IGF2BP2: variants seen among roughly 807,000 people sequenced by gnomAD.
The protein encoded by IGF2BP2 is insulin like growth factor 2 mRNA binding protein 2.
A neutral mutation model predicts 75.8 loss-of-function variants in IGF2BP2; 17 were observed. The ratio of observed to expected loss-of-function variants is 0.22; its 90% confidence interval spans 0.15 to 0.34. The LOEUF is 0.34. Among genes scored for constraint, IGF2BP2 ranks in the 10% least tolerant of loss-of-function variants. IGF2BP2 has a pLI of 1.00. For missense variants in IGF2BP2, 516 were observed against 772.4 expected, an observed-to-expected ratio of 0.67 and a Z score of 3.93; for synonymous variants, 288 against 295.6, an observed-to-expected ratio of 0.97 and a Z score of 0.26.
rs1375860416 is a variant in IGF2BP2, at chr3:185,675,395, G to A, written c.972C>T (p.Thr324=). 2 of 1,612,444 alleles carry A rather than the reference G, an allele frequency of 1.2e-6. No individual in the cohort carries two copies. Among genetic ancestry groups the A allele is most frequent in the Admixed American group, 1.7e-5 (1 of 59,658 alleles). Reference sequence around the variant, plus strand: ...CCTCAACTGTGCCCTTCACAGTGATGGTTCTTTCCGGGTTGTATATGCTCA... The same window carrying A: ...CCTCAACTGTGCCCTTCACAGTGATAGTTCTTTCCGGGTTGTATATGCTCA... The part of the protein sequence containing the change: ...QDLSIYNPER[T]ITVKGTVEAC... Residue 324 remains threonine, a synonymous_variant, in exon 9 of 16, where the codon ACC becomes ACT. Transcript: ENST00000382199.
At chr3:185,733,625 G>T (rs1447754549) in intron 2 of IGF2BP2, among the ~76,000 whole-genome samples, 1 of 152,058 alleles carries the variant, frequency 6.6e-6, no homozygotes, top group Non-Finnish European at 1.5e-5. Flanking sequence ...GTGTGGTGGC[G>T]CATGCCTGTA....
chr3:185,740,900 C>A (rs946995623), intron 2 of IGF2BP2, among the ~76,000 whole-genome samples: 35 of 152,218 alleles, frequency 2.3e-4, no homozygotes, highest in Non-Finnish European at 2.9e-4. Context: ...TATTTTGAGA[C>A]GGAGTCTCGC....
intron 2 of IGF2BP2, among the ~76,000 whole-genome samples, chr3:185,727,425 G>C (rs1221295828): frequency 2.6e-5 from 4 of 152,180 alleles, no homozygotes; most frequent in East Asian, 3.9e-4. Flanking sequence ...GGCTGGCTTG[G>C]ACTGAGGCTC....
intron 2 of IGF2BP2, among the ~76,000 whole-genome samples, chr3:185,705,854 T>A (rs1258251156): frequency 1.3e-5 from 2 of 152,074 alleles, no homozygotes; most frequent in African/African-American, 4.8e-5. Context: ...TCTAATCAAC[T>A]CTCCAAGGCC....
chr3:185,664,817 TGGGAAC>T (rs1717030256), intron 10 of IGF2BP2, among the ~76,000 whole-genome samples: 1 of 151,114 alleles, frequency 6.6e-6, no homozygotes, highest in South Asian at 2.1e-4. Context: ...TCTTCTGGAG[TGGGAAC>T]TCCAGAAGGA....
rs186201705 is a variant in IGF2BP2 at position 185,675,413 on chromosome 3, T to C, written c.954A>G (p.Ile318Met). 22 of 1,611,746 alleles carry C rather than the reference T, an allele frequency of 1.4e-5. No homozygotes were observed. The African/African-American group carries it at 2.5e-4, about 19-fold the overall frequency. ...ITISSLQDLS[I>M]YNPERTITVK... ...CAGTGATGGTTCTTTCCGGGTTGTA[T>C]ATGCTCAAATCCTGCAAACTGACCC... Residue 318 changes from isoleucine (I) to methionine (M), a missense_variant, in exon 9 of 16, where the codon ATA becomes ATG. Coordinates refer to ENST00000382199, the MANE Select transcript of IGF2BP2 (RefSeq NM_006548.6).
At chr3:185,735,909 A>C (rs1165051022) in intron 2 of IGF2BP2, among the ~76,000 whole-genome samples, 1 of 152,154 alleles carries the variant, frequency 6.6e-6, no homozygotes, top group Non-Finnish European at 1.5e-5. Context: ...ACCAAAGAAG[A>C]CCACAGAAAA....
intron 2 of IGF2BP2, among the ~76,000 whole-genome samples, chr3:185,711,550 C>T (rs994050517): frequency 6.6e-6 from 1 of 152,216 alleles, no homozygotes; most frequent in Non-Finnish European, 1.5e-5. Context: ...CCTCTCAAGA[C>T]AGCACCATTA....
chr3:185,689,269 G>T (rs184087963), intron 6 of IGF2BP2, 86 bp downstream of exon 6: 55 of 1,401,798 alleles, frequency 3.9e-5, no homozygotes, highest in Non-Finnish European at 5.3e-5. Context: ...GCTGATGTAA[G>T]CAATTGTGAC....
intron 2 of IGF2BP2, among the ~76,000 whole-genome samples, chr3:185,748,768 G>C (rs776868188): frequency 9.9e-5 from 15 of 152,150 alleles, no homozygotes; most frequent in African/African-American, 1.9e-4. Flanking sequence ...CTGACACAAA[G>C]AACTCCAATG....
rs1173956423 is a variant in IGF2BP2, at chr3:185,644,890, G to C, written c.*641C>G. ...TGTCCTTCCGACGAGATTTCCCTCT[G>C]GGTGAATTTTGTGCGGGTGGCCTCA... On this transcript the variant is annotated 3_prime_UTR_variant, in exon 16 of 16. Coordinates refer to ENST00000382199, the MANE Select transcript of IGF2BP2 (RefSeq NM_006548.6). 1 of 152,474 alleles carries C rather than the reference G, an allele frequency of 6.6e-6. No individual in the cohort carries two copies. Among genetic ancestry groups the C allele is most frequent in the Admixed American group, 6.5e-5 (1 of 15,280 alleles). 9.4% of individuals were successfully genotyped at this position (152,474 alleles called of 1,614,324 possible). A position where few individuals can be genotyped will look rare whatever the true frequency, so the allele number is the denominator to read the frequency against.
intron 2 of IGF2BP2, among the ~76,000 whole-genome samples, chr3:185,736,364 C>T (rs1728850811): frequency 6.6e-6 from 1 of 152,110 alleles, no homozygotes; most frequent in Non-Finnish European, 1.5e-5. Context: ...GTTTGAAGGA[C>T]ATCTCTGTTG....
chr3:185,730,759 TG>T (rs1178252695), intron 2 of IGF2BP2, among the ~76,000 whole-genome samples: 1 of 152,100 alleles, frequency 6.6e-6, no homozygotes, highest in Non-Finnish European at 1.5e-5. Flanking sequence ...AGGAGTGAGA[TG>T]ATGGTAGTTC....
intron 2 of IGF2BP2, among the ~76,000 whole-genome samples, chr3:185,706,704 T>C (rs1393333335): frequency 2.0e-5 from 3 of 152,058 alleles, no homozygotes; most frequent in Admixed American, 2.0e-4. Context: ...CGCACTGTTC[T>C]AGTGAAATAG....
At chr3:185,768,823 G>A (rs1733463517) in intron 2 of IGF2BP2, among the ~76,000 whole-genome samples, 2 of 152,160 alleles carry the variant, frequency 1.3e-5, no homozygotes, top group African/African-American at 4.8e-5. Context: ...CCTGAGGTCA[G>A]GGAGACTAGC....
intron 10 of IGF2BP2, among the ~76,000 whole-genome samples, chr3:185,665,209 G>A (rs1225768698): frequency 9.7e-5 from 14 of 144,194 alleles, no homozygotes; most frequent in African/African-American, 3.1e-4. Flanking sequence ...GGAGAAGAAG[G>A]AGAAGGAAGA....
chr3:185,657,484 C>T (rs1162384732), intron 11 of IGF2BP2, 82 bp from the exon 12 acceptor site: 75 of 1,029,016 alleles, frequency 7.3e-5, no homozygotes, highest in Non-Finnish European at 1.1e-4. Context: ...AAGCACCTTA[C>T]CATGAACCCC....
intron 2 of IGF2BP2, among the ~76,000 whole-genome samples, chr3:185,809,544 C>G (rs1222973403): frequency 1.3e-5 from 2 of 152,156 alleles, no homozygotes; most frequent in African/African-American, 2.4e-5. Context: ...GTGGGAGGAT[C>G]ACCTGAGCAC....
intron 2 of IGF2BP2, among the ~76,000 whole-genome samples, chr3:185,710,888 TA>T (rs71753348): frequency 5.4e-4 from 75 of 140,014 alleles, no homozygotes; most frequent in African/African-American, 8.4e-4. Context: ...ATAATACCAA[TA>T]AAAAAAAAAA....
Sources: gnomAD v4.1 joint callset for allele counts (sites outside exome capture counted in the v4.1 genomes callset) on GRCh38, gnomAD v4.1.1 for gene constraint, MANE v1.5 for transcripts, NCBI Gene and HGNC (gene_info 2026-07-23, HGNC 2026-07-21) for gene names.